The following DMXL1 variants were observed in gnomAD, a reference collection of about 807,000 sequenced individuals.
DMXL1 encodes the protein Dmx like 1.
In DMXL1, 99 loss-of-function variants were observed where a neutral mutation model predicts 319.2. The observed-to-expected ratio is 0.31, with a 90% CI of 0.26 to 0.37. The LOEUF is 0.37. Ranked by LOEUF, DMXL1 falls within the 10% of genes least tolerant of loss-of-function variation. The pLI is 1.00. For missense variants in DMXL1, 3,745 were observed against 3,595.6 expected (o/e 1.04, Z -1.06); for synonymous variants, 1,385 against 1,235.2 (o/e 1.12, Z -2.54).
chr5:119,220,434 C>G (rs562974875), intron 35 of DMXL1, 38 bp from the exon 36 acceptor site: 1 of 1,603,186 alleles, frequency 6.2e-7, no homozygotes, highest in South Asian at 1.1e-5. Context: ...TCTCTTTTGC[C>G]TATTGCTTTT....
In DMXL1 at chr5:119,110,163, T is replaced by A; in HGVS notation, c.377T>A (p.Leu126Ter). 1 of 1,596,272 alleles carries A rather than the reference T, an allele frequency of 6.3e-7. No homozygotes were observed. Among genetic ancestry groups the A allele is most frequent in the Non-Finnish European group, 8.5e-7 (1 of 1,174,472 alleles). Residue 126 changes from leucine to a stop codon, truncating the protein, a stop_gained, in exon 5 of 44, where the codon TTA becomes TAA. Transcript: ENST00000539542. LOFTEE classifies it high-confidence loss of function. Reference protein sequence around the residue: ...ITWDPTGSRLLTGSSYLQLWS... With the variant: ...ITWDPTGSRL ...ATATTTTTTTTAGGCAGTCGTCTTT[T>A]AACTGGTTCCAGCTATTTGCAACTC...
intron 19 of DMXL1, among the ~76,000 whole-genome samples, chr5:119,161,275 A>G (rs774814273): frequency 6.6e-6 from 1 of 152,206 alleles, no homozygotes; most frequent in Non-Finnish European, 1.5e-5. Flanking sequence ...TGTCAAGACC[A>G]CTGGCTGGTC....
chr5:119,085,621 A>G (rs1306764101), intron 1 of DMXL1, among the ~76,000 whole-genome samples: 2 of 152,152 alleles, frequency 1.3e-5, no homozygotes, highest in African/African-American at 2.4e-5. Context: ...GTATACAATC[A>G]TATCATTTGT....
intron 28 of DMXL1, among the ~76,000 whole-genome samples, chr5:119,181,036 G>A (rs1776684836): frequency 6.6e-6 from 1 of 152,180 alleles, no homozygotes; most frequent in Non-Finnish European, 1.5e-5. Flanking sequence ...CATATTGAAA[G>A]TCCAGGTTGA....
Position 119,146,759 on chromosome 5 carries a change from A to G in DMXL1, c.2570-78A>G, listed in dbSNP as rs569742194. 317 of 1,381,336 alleles carry G rather than the reference A, an allele frequency of 2.3e-4. 1 individual carries two copies. The African/African-American group carries it at 4.3e-3, about 19-fold the overall frequency. The allele number at this position is 1,381,336 out of a possible 1,614,324, so 85.6% of individuals were successfully genotyped here. The stretch of plus-strand genomic sequence containing the variant: ...TTTAATCTTCTTTTTTTAAAGTCCA[A>G]TTATTTTAACTTGGCATGTTTAGCA... On this transcript the variant is annotated intron_variant, in intron 15 of 43. Coordinates refer to ENST00000539542, the MANE Select transcript of DMXL1 (RefSeq NM_001290321.3).
At chr5:119,208,385 TG>T (rs1782130917) in intron 34 of DMXL1, among the ~76,000 whole-genome samples, 1 of 152,026 alleles carries the variant, frequency 6.6e-6, no homozygotes, top group South Asian at 2.1e-4. Flanking sequence ...AGCCAATTTT[TG>T]TATTTTTAAT....
At position 119,118,804 on chromosome 5, in the gene DMXL1, T is replaced by C. The variant is rs759790134; in HGVS notation, c.744-11T>C. 6 of 1,570,640 alleles carry C rather than the reference T, an allele frequency of 3.8e-6. No individual in the cohort carries two copies. Among genetic ancestry groups the C allele is most frequent in the Non-Finnish European group, 5.2e-6 (6 of 1,161,050 alleles). Reference sequence around the variant, plus strand: ...TTGTATTTTTGCTTCTAAAATCTTTTCATTCCTTAGGGCTTCTGTATGTAA... The same window carrying C: ...TTGTATTTTTGCTTCTAAAATCTTTCCATTCCTTAGGGCTTCTGTATGTAA... On this transcript the variant is annotated splice_polypyrimidine_tract_variant and intron_variant, in intron 7 of 43. Coordinates refer to ENST00000539542, the MANE Select transcript of DMXL1 (RefSeq NM_001290321.3).
intron 33 of DMXL1, 156 bp from the exon 34 acceptor site, chr5:119,206,678 C>T (rs1451413977): frequency 7.9e-6 from 4 of 506,718 alleles, no homozygotes; most frequent in Non-Finnish European, 1.4e-5. Flanking sequence ...ACACATGCTT[C>T]TTATAAGGTG....
At chr5:119,222,751 T>C (rs888211229) in intron 37 of DMXL1, among the ~76,000 whole-genome samples, 1 of 152,208 alleles carries the variant, frequency 6.6e-6, no homozygotes, top group African/African-American at 2.4e-5. Flanking sequence ...AAATTTAACC[T>C]TCTGCCATCT....
At chr5:119,166,914 A>G (rs912262375) in intron 22 of DMXL1, 133 bp downstream of exon 22, 9 of 666,338 alleles carry the variant, frequency 1.4e-5, no homozygotes, top group African/African-American at 1.3e-4. Context: ...ATAACTGTTA[A>G]TATTTAATAA....
At chr5:119,206,087 T>C (rs1781689920) in intron 33 of DMXL1, among the ~76,000 whole-genome samples, 1 of 152,122 alleles carries the variant, frequency 6.6e-6, no homozygotes, top group South Asian at 2.1e-4. Context: ...TGGTAAAGTT[T>C]ACTGGTACCT....
At chr5:119,096,149 G>GAT (rs1755901997) in intron 1 of DMXL1, among the ~76,000 whole-genome samples, 2 of 151,194 alleles carry the variant, frequency 1.3e-5, no homozygotes, top group African/African-American at 2.4e-5. Flanking sequence ...TTTGGTTTTG[G>GAT]TAGGAATTAA....
intron 9 of DMXL1, among the ~76,000 whole-genome samples, chr5:119,122,606 G>A (rs1278379910): frequency 1.3e-5 from 2 of 150,538 alleles, no homozygotes; most frequent in Admixed American, 6.6e-5. Context: ...GCCAGGCAGA[G>A]GGTCTCCTCA....
intron 33 of DMXL1, among the ~76,000 whole-genome samples, chr5:119,205,345 G>C (rs557451371): frequency 9.9e-5 from 15 of 152,064 alleles, no homozygotes; most frequent in Admixed American, 9.8e-4. Flanking sequence ...GCCAGAGTAC[G>C]TAAACATAGC....
chr5:119,215,832 C>CA (rs1783581814), intron 34 of DMXL1, among the ~76,000 whole-genome samples: 1 of 152,008 alleles, frequency 6.6e-6, no homozygotes, highest in African/African-American at 2.4e-5. Flanking sequence ...TGTGGTGGCT[C>CA]ACGCCCATAA....
At chr5:119,235,930 G>T (rs552448555) in intron 39 of DMXL1, among the ~76,000 whole-genome samples, 2 of 152,056 alleles carry the variant, frequency 1.3e-5, no homozygotes, top group African/African-American at 4.8e-5. Context: ...TACCCTTTCT[G>T]AAGAACATAC....
intron 37 of DMXL1, among the ~76,000 whole-genome samples, chr5:119,222,921 A>C (rs968030084): frequency 2.6e-5 from 4 of 151,840 alleles, no homozygotes; most frequent in African/African-American, 9.7e-5. Context: ...TCTCAACTCA[A>C]ATCCCCCCAC....
intron 38 of DMXL1, among the ~76,000 whole-genome samples, chr5:119,226,265 G>A (rs1032805456): frequency 6.6e-6 from 1 of 151,998 alleles, no homozygotes; most frequent in Non-Finnish European, 1.5e-5. Context: ...TTTTTTTCCA[G>A]TATATCTTTT....
rs1268122955 is a variant in DMXL1 at position 119,196,453 on chromosome 5, G to A, written c.7540G>A (p.Ala2514Thr). The A allele has an allele frequency of 6.2e-7, 1 of 1,609,688 alleles. No individual in the cohort carries two copies. Among genetic ancestry groups the A allele is most frequent in the Non-Finnish European group, 8.5e-7 (1 of 1,177,610 alleles). Residue 2514 changes from alanine (A) to threonine (T), a missense_variant, in exon 31 of 44, where the codon GCA (alanine) becomes ACA (threonine). This residue lies in a region of DMXL1 where 1,382 missense variants were observed against 1,269.5 expected (regional missense o/e 1.09). Transcript: ENST00000539542. Reference protein sequence around the residue: ...TFYPFAGHDLAELPVSSPLCH... With the variant: ...TFYPFAGHDLTELPVSSPLCH... Reference sequence around the variant, plus strand: ...TTATCCCTTCGCAGGTCATGATCTTGCAGGTAATAAATAGCTCAACATGAG... The same window carrying A: ...TTATCCCTTCGCAGGTCATGATCTTACAGGTAATAAATAGCTCAACATGAG...
Sources: allele counts gnomAD v4.1 joint callset (sites outside exome capture counted in the v4.1 genomes callset), GRCh38; gene constraint gnomAD v4.1.1; regional missense constraint gnomAD v4.1.1; transcripts MANE v1.5; gene names NCBI Gene and HGNC (gene_info 2026-07-23, HGNC 2026-07-21).